Variants in CLASP1 observed in about 807,000 individuals in gnomAD.
CLASP1 encodes CLIP-associating protein 1.
A neutral mutation model predicts 192.3 loss-of-function variants in CLASP1; 38 were observed. The observed-to-expected ratio is 0.20, with a 90% CI of 0.15 to 0.26. CLASP1 has a LOEUF of 0.26. CLASP1 is among the 10% of genes least tolerant of loss of function. The pLI is 1.00. For synonymous variants in CLASP1, 691 were observed against 712.8 expected (o/e 0.97, Z 0.49); for missense variants, 1,433 against 1,932.5 (o/e 0.74, Z 4.85).
At chr2:121,530,387 C>A (rs1377208794) in intron 2 of CLASP1, 62 bp from the exon 3 acceptor site, 25 of 1,379,036 alleles carry the variant, frequency 1.8e-5, no homozygotes, top group Non-Finnish European at 2.5e-5. Flanking sequence ...CTCCCGCCCA[C>A]CCGCTCCGGG....
At chr2:121,390,883 C>T (rs375625175) in intron 30 of CLASP1, among the ~76,000 whole-genome samples, 3 of 152,102 alleles carry the variant, frequency 2.0e-5, no homozygotes, top group Non-Finnish European at 4.4e-5. Context: ...TGGCTATTCA[C>T]AGGCATAATC....
At chr2:121,578,897 TAC>T (rs1259749589) in intron 2 of CLASP1, among the ~76,000 whole-genome samples, 1 of 152,190 alleles carries the variant, frequency 6.6e-6, no homozygotes, top group Non-Finnish European at 1.5e-5. Context: ...CATACACTTA[TAC>T]ACTTTCCCTC....
rs545824152 is a variant in CLASP1 at position 121,480,021 on chromosome 2, G to A, written c.713-10061C>T. 5.3e-5 allele frequency among the ~76,000 whole-genome samples: 8 copies of A among 152,260 alleles called. No homozygotes were observed. The East Asian group carries it at 1.4e-3, about 26-fold the overall frequency. ...AGAAGTGAGCGTGGAATGCAATCAC[G>A]TTCCATTCCTTCCACCCAAAAGCTT... is the stretch of plus-strand genomic sequence containing the variant. On this transcript the variant is annotated intron_variant, in intron 8 of 39. Transcript: ENST00000263710.
At chr2:121,637,848 C>T (rs975250882) in intron 1 of CLASP1, among the ~76,000 whole-genome samples, 3 of 151,088 alleles carry the variant, frequency 2.0e-5, no homozygotes, top group South Asian at 2.1e-4. Context: ...ATTATGCCAC[C>T]GCATCCTAGC....
chr2:121,388,073 T>A (rs1469730195), intron 30 of CLASP1, 167 bp from the exon 32 acceptor site: 2 of 538,500 alleles, frequency 3.7e-6, no homozygotes, highest in African/African-American at 3.8e-5. Flanking sequence ...TCACAAGCAG[T>A]CTGACTTCAA....
intron 34 of CLASP1, among the ~76,000 whole-genome samples, chr2:121,376,280 T>C (rs1010812757): frequency 1.3e-5 from 2 of 152,178 alleles, no homozygotes; most frequent in South Asian, 4.1e-4. Context: ...TCAATCTAAG[T>C]GTCCCTCAAC....
intron 1 of CLASP1, among the ~76,000 whole-genome samples, chr2:121,627,220 G>C (rs1429931751): frequency 3.3e-5 from 5 of 152,136 alleles, no homozygotes; most frequent in Non-Finnish European, 5.9e-5. Flanking sequence ...ACTGGGTGAA[G>C]GGTAAACAAG....
In CLASP1 at chr2:121,585,503, G is replaced by T. The variant is rs80160066; in HGVS notation, c.195+20198C>A. On this transcript the variant is annotated intron_variant, in intron 2 of 39. Transcript: ENST00000263710. ...TGCCAGCGTTCCCATTTCTAGGACC[G>T]CATCCCCTGCCCTAAACAGGGTATA... Among the ~76,000 whole-genome samples, 49 of 152,076 alleles carry T rather than the reference G, an allele frequency of 3.2e-4. 1 individual carries two copies. Among genetic ancestry groups the T allele is most frequent in the Admixed American group, 3.0e-3 (46 of 15,268 alleles).
intron 6 of CLASP1, among the ~76,000 whole-genome samples, chr2:121,523,169 G>A (rs920194894): frequency 5.3e-5 from 8 of 152,182 alleles, no homozygotes; most frequent in African/African-American, 9.7e-5. Flanking sequence ...CTTACATTGC[G>A]TCAGGTAGCT....
chr2:121,595,521 T>C (rs1309870767), intron 2 of CLASP1, among the ~76,000 whole-genome samples: 1 of 152,274 alleles, frequency 6.6e-6, no homozygotes. Flanking sequence ...ATTTAAATTT[T>C]AGTTTTCTGA....
At chr2:121,407,351 T>C in intron 25 of CLASP1, 120 bp downstream of exon 26, 2 of 1,149,112 alleles carry the variant, frequency 1.7e-6, no homozygotes, top group Non-Finnish European at 2.4e-6. Flanking sequence ...CAAGCAGACC[T>C]CTTGGTATCT....
At chr2:121,499,431 G>A (rs896536926) in intron 8 of CLASP1, among the ~76,000 whole-genome samples, 7 of 151,946 alleles carry the variant, frequency 4.6e-5, no homozygotes, top group African/African-American at 1.7e-4. Context: ...TAGGGAGTAA[G>A]TGCTAATGGG....
chr2:121,648,346 C>T (rs2073564060), intron 1 of CLASP1, among the ~76,000 whole-genome samples: 1 of 152,188 alleles, frequency 6.6e-6, no homozygotes, highest in African/African-American at 2.4e-5. Context: ...GAATCTGAAG[C>T]TCTCATTGCC....
chr2:121,585,178 C>G (rs2061583215), intron 2 of CLASP1, among the ~76,000 whole-genome samples: 1 of 152,198 alleles, frequency 6.6e-6, no homozygotes, highest in East Asian at 1.9e-4. Flanking sequence ...CCCAAACAGT[C>G]TGGTCCCAGG....
At chr2:121,564,805 G>A (rs1036418443) in intron 2 of CLASP1, among the ~76,000 whole-genome samples, 2 of 152,132 alleles carry the variant, frequency 1.3e-5, no homozygotes, top group African/African-American at 4.8e-5. Context: ...AAAAGAGAGG[G>A]AAAGCCACAA....
intron 8 of CLASP1, among the ~76,000 whole-genome samples, chr2:121,478,847 ACCACACAC>A (rs2092170929): frequency 4.5e-5 from 1 of 22,066 alleles, no homozygotes; most frequent in African/African-American, 3.5e-4. Flanking sequence ...CCACACACAC[ACCACACAC>A]CACACCACAC....
chr2:121,588,173 C>CAAAAAA (rs397769809), intron 2 of CLASP1, among the ~76,000 whole-genome samples: 1 of 61,048 alleles, frequency 1.6e-5, no homozygotes, highest in Non-Finnish European at 4.0e-5. Context: ...GACTCCGTCT[C>CAAAAAA]AAAAAAAAAA....
chr2:121,344,127 G>A (rs531830850), intron 39 of CLASP1, among the ~76,000 whole-genome samples: 3 of 151,938 alleles, frequency 2.0e-5, no homozygotes, highest in Admixed American at 6.6e-5. Flanking sequence ...AGACTGGAGG[G>A]GGGGAAAAAG....
At position 121,348,734 on chromosome 2, in the gene CLASP1, C is replaced by A. The variant is rs188761806; in HGVS notation, c.4207-16G>T. On this transcript the variant is annotated splice_polypyrimidine_tract_variant and intron_variant, in intron 37 of 39. Transcript: ENST00000263710. ...CTCTCACCACCTGAAACACCCAGTT[C>A]CCCCAAAGAGTGAGCTCCACATGCC... 3.7e-4 allele frequency: 587 copies of A among 1,576,198 alleles called. 2 individuals are homozygous for A. In the African/African-American group the frequency reaches 7.1e-3, roughly 19 times the overall value.
Sources: allele counts gnomAD v4.1 joint callset (sites outside exome capture counted in the v4.1 genomes callset), GRCh38; gene constraint gnomAD v4.1.1; transcripts MANE v1.5; gene names NCBI Gene and HGNC (gene_info 2026-07-23, HGNC 2026-07-21).